The following BMP6 variants were observed in gnomAD, a reference collection of about 807,000 sequenced individuals.
BMP6 encodes the protein VG-1-R.
A neutral mutation model predicts 54.1 loss-of-function variants in BMP6; 17 were observed. That is an observed-to-expected ratio of 0.31 (90% confidence interval 0.22 to 0.47). The LOEUF is 0.47. Among genes scored for constraint, BMP6 ranks in the 20% least tolerant of loss-of-function variants. BMP6 has a pLI of 1.00. For missense variants in BMP6, 720 were observed against 690.4 expected (o/e 1.04, Z -0.48); for synonymous variants, 328 against 291.2 (o/e 1.13, Z -1.28).
chr6:7,790,280 G>A (rs376740220), intron 1 of BMP6, among the ~76,000 whole-genome samples: 226 of 152,152 alleles, frequency 1.5e-3, no homozygotes, highest in African/African-American at 5.0e-3. Context: ...TTTGGGATGC[G>A]GAAGCAGGCG....
At chr6:7,749,824 T>G (rs993411870) in intron 1 of BMP6, among the ~76,000 whole-genome samples, 1 of 152,214 alleles carries the variant, frequency 6.6e-6, no homozygotes, top group African/African-American at 2.4e-5. Flanking sequence ...TCAGAATCAA[T>G]GGAGGGGCTT....
chr6:7,808,109 AT>A (rs1207120309), intron 1 of BMP6, among the ~76,000 whole-genome samples: 2 of 151,622 alleles, frequency 1.3e-5, no homozygotes, highest in African/African-American at 4.8e-5. Flanking sequence ...TTTAGTAGAG[AT>A]GGGGTTTCAC....
intron 4 of BMP6, among the ~76,000 whole-genome samples, chr6:7,866,178 T>C (rs180976498): frequency 1.5e-3 from 222 of 152,362 alleles, no homozygotes; most frequent in Non-Finnish European, 2.5e-3. Context: ...AGGCTGGATG[T>C]TGGTTGGCTC....
At chr6:7,807,236 G>C (rs1414557288) in intron 1 of BMP6, among the ~76,000 whole-genome samples, 2 of 152,120 alleles carry the variant, frequency 1.3e-5, no homozygotes, top group African/African-American at 2.4e-5. Context: ...TCAAAGTGTG[G>C]TCCATGGACC....
At chr6:7,855,803 A>G (rs898599505) in intron 2 of BMP6, among the ~76,000 whole-genome samples, 4 of 151,904 alleles carry the variant, frequency 2.6e-5, no homozygotes, top group Admixed American at 2.6e-4. Context: ...TGCTGGGATT[A>G]CAGGTGTGAG....
intron 1 of BMP6, among the ~76,000 whole-genome samples, chr6:7,766,185 G>GT (rs945089923): frequency 1.1e-4 from 16 of 151,486 alleles, no homozygotes; most frequent in South Asian, 2.1e-4. Context: ...TGTGCTTCCA[G>GT]TTTTTTTTTG....
chr6:7,754,442 A>G (rs952751915), intron 1 of BMP6, among the ~76,000 whole-genome samples: 2 of 151,900 alleles, frequency 1.3e-5, no homozygotes, highest in African/African-American at 4.8e-5. Flanking sequence ...TACTTGCTCT[A>G]TCAATTACTG....
rs575540359 is a variant in BMP6 at position 7,873,581 on chromosome 6, C to G, written c.1205-5493C>G. ...ATGATTGAACTCCATCTCCAGCCCCCCAGAGGCCAGGCTAAGCCAAAGTTC... is the reference window on the plus strand; with the variant it reads ...ATGATTGAACTCCATCTCCAGCCCCGCAGAGGCCAGGCTAAGCCAAAGTTC... On this transcript the variant is annotated intron_variant, in intron 4 of 6. Coordinates refer to ENST00000283147, the MANE Select transcript of BMP6 (RefSeq NM_001718.6). Among the ~76,000 whole-genome samples, 4 of 152,214 alleles carry G rather than the reference C, an allele frequency of 2.6e-5. No individual in the cohort carries two copies. In the South Asian group the frequency reaches 8.3e-4, roughly 32 times the overall value.
At chr6:7,830,276 TC>T (rs1360335538) in intron 1 of BMP6, among the ~76,000 whole-genome samples, 3 of 152,216 alleles carry the variant, frequency 2.0e-5, no homozygotes, top group Admixed American at 1.3e-4. Context: ...TGTCTATTTC[TC>T]CTTCTCTTAG....
chr6:7,750,327 C>T (rs1332136131), intron 1 of BMP6, among the ~76,000 whole-genome samples: 1 of 152,096 alleles, frequency 6.6e-6, no homozygotes, highest in African/African-American at 2.4e-5. Flanking sequence ...ATACATGGAA[C>T]TTCCGAACTG....
intron 1 of BMP6, among the ~76,000 whole-genome samples, chr6:7,793,598 G>C (rs1314199369): frequency 4.6e-5 from 7 of 152,130 alleles, no homozygotes; most frequent in Admixed American, 3.9e-4. Flanking sequence ...TGTTGATATG[G>C]GGGAGGCTGT....
chr6:7,878,929 G>T, intron 4 of BMP6, 145 bp from the exon 5 acceptor site: 2 of 779,490 alleles, frequency 2.6e-6, no homozygotes, highest in Non-Finnish European at 2.2e-6. Flanking sequence ...GGAACCTGAT[G>T]TAGCTGTTGG....
chr6:7,746,107 G>A (rs955164466), intron 1 of BMP6, among the ~76,000 whole-genome samples: 4 of 152,152 alleles, frequency 2.6e-5, no homozygotes, highest in African/African-American at 7.2e-5. Flanking sequence ...CATTCCCGCC[G>A]GAGGAATGCA....
intron 5 of BMP6, 95 bp from the exon 6 acceptor site, chr6:7,879,896 A>C: frequency 1.6e-6 from 2 of 1,242,394 alleles, no homozygotes; most frequent in Non-Finnish European, 2.3e-6. Context: ...TGCCTGTGCA[A>C]TGTGAAAAAT....
At chr6:7,736,011 TG>T (rs1221712449) in intron 1 of BMP6, among the ~76,000 whole-genome samples, 5 of 152,368 alleles carry the variant, frequency 3.3e-5, no homozygotes, top group African/African-American at 1.2e-4. Context: ...ATTTTGTTTC[TG>T]GGGTTTTACT....
At chr6:7,768,584 C>T (rs1757728557) in intron 1 of BMP6, among the ~76,000 whole-genome samples, 1 of 152,142 alleles carries the variant, frequency 6.6e-6, no homozygotes, top group Admixed American at 6.5e-5. Context: ...CTCACCTCAG[C>T]GTCCTCAACA....
At chr6:7,823,114 T>C (rs1176359352) in intron 1 of BMP6, among the ~76,000 whole-genome samples, 2 of 152,126 alleles carry the variant, frequency 1.3e-5, no homozygotes, top group Non-Finnish European at 2.9e-5. Context: ...CCATGGAAAA[T>C]GTTCTGAGTT....
intron 4 of BMP6, 109 bp downstream of exon 4, chr6:7,862,607 A>G: frequency 7.2e-7 from 1 of 1,391,142 alleles, no homozygotes; most frequent in Non-Finnish European, 9.9e-7. Flanking sequence ...AGCAAATCCA[A>G]AGGCAAATAG....
chr6:7,731,647 C>T (rs1258675300), intron 1 of BMP6, among the ~76,000 whole-genome samples: 1 of 152,156 alleles, frequency 6.6e-6, no homozygotes, highest in African/African-American at 2.4e-5. Context: ...ATTCATATTT[C>T]ACTGATTTGG....
Sources: allele counts gnomAD v4.1 joint callset (sites outside exome capture counted in the v4.1 genomes callset), GRCh38; gene constraint gnomAD v4.1.1; transcripts MANE v1.5; gene names NCBI Gene and HGNC (gene_info 2026-07-23, HGNC 2026-07-21).